The following SH3GLB2 variants were observed in gnomAD, a reference collection of about 807,000 sequenced individuals.
SH3GLB2 encodes the protein endophilin-B2.
SH3GLB2 carries 24 observed loss-of-function variants against 48.0 expected under a neutral mutation model. The ratio of observed to expected loss-of-function variants is 0.50; its 90% CI spans 0.36 to 0.70. The LOEUF is 0.70. Among genes scored for constraint, SH3GLB2 ranks in the 30% least tolerant of loss-of-function variants. The probability of loss-of-function intolerance (pLI) is 0.00; values close to 1 mark genes in which losing one functional copy is unlikely to be tolerated. For synonymous variants in SH3GLB2, 227 were observed against 207.6 expected (o/e 1.09, Z -0.80); for missense variants, 425 against 516.0 (o/e 0.82, Z 1.71).
In SH3GLB2 at chr9:129,012,296, C is replaced by T. The variant is rs1000673438; in HGVS notation, c.564G>A (p.Thr188=). ...GTCTAGTCTCCTGAAAGTCAGGCACCGTCTGGCGGGGAACAGAGTTCATGT... is the reference window on the plus strand; with the variant it reads ...GTCTAGTCTCCTGAAAGTCAGGCACTGTCTGGCGGGGAACAGAGTTCATGT... ...KAKAAEAKAT[T]VPDFQETRPR... Residue 188 remains threonine, a splice_region_variant and synonymous_variant, in exon 6 of 11, where the codon ACG becomes ACA. Transcript: ENST00000372564. 4 of 1,299,486 alleles carry T rather than the reference C, an allele frequency of 3.1e-6. No homozygotes were observed. The highest frequency in any genetic ancestry group is 2.9e-5 in the East Asian group (1 of 34,466). 80.5% of individuals were successfully genotyped at this position (1,299,486 alleles called of 1,614,324 possible). A position where few individuals can be genotyped will look rare whatever the true frequency, so the allele number is the denominator to read the frequency against.
chr9:129,027,690 G>C (rs1433043953), intron 1 of SH3GLB2, among the ~76,000 whole-genome samples: 1 of 152,238 alleles, frequency 6.6e-6, no homozygotes, highest in East Asian at 1.9e-4. Flanking sequence ...GCTCGGAGAA[G>C]GGGTTGTGGT....
At chr9:129,022,580 G>C (rs1843880024) in intron 1 of SH3GLB2, among the ~76,000 whole-genome samples, 157 bp from the exon 2 acceptor site, 2 of 152,176 alleles carry the variant, frequency 1.3e-5, no homozygotes, top group South Asian at 4.1e-4. Context: ...TGTGTGACCT[G>C]GCAGGGCCTC....
intron 10 of SH3GLB2, 67 bp downstream of exon 10, chr9:129,009,039 T>C: frequency 1.3e-6 from 2 of 1,593,706 alleles, no homozygotes; most frequent in Non-Finnish European, 8.5e-7. Context: ...CCCATGTGCC[T>C]GATCCCAGTG....
At position 129,010,654 on chromosome 9, in the gene SH3GLB2, C is replaced by G; in HGVS notation, c.648+16G>C. ...CCCCTTCTTCCTCGAGCCCAGCCCCCCAGGCCCCAACTTACCTTGTCCACT... is the reference window on the plus strand; with the variant it reads ...CCCCTTCTTCCTCGAGCCCAGCCCCGCAGGCCCCAACTTACCTTGTCCACT... On this transcript the variant is annotated intron_variant, in intron 7 of 10. Coordinates refer to ENST00000372564, the MANE Select transcript of SH3GLB2 (RefSeq NM_020145.4). 6.2e-7 allele frequency: 1 copy of G among 1,614,006 alleles called. No homozygotes were observed. The highest frequency in any genetic ancestry group is 1.1e-5 in the South Asian group (1 of 91,082).
At chr9:129,013,519 C>T (rs1256173137) in intron 5 of SH3GLB2, 2 of 180,992 alleles carry the variant, frequency 1.1e-5, no homozygotes, top group Non-Finnish European at 2.3e-5. Flanking sequence ...CAACTACACC[C>T]CTGCCTCTGA....
chr9:129,014,697 G>A lies in SH3GLB2; in HGVS notation c.468+74C>T. On this transcript the variant is annotated intron_variant, in intron 4 of 10. Coordinates refer to ENST00000372564, the MANE Select transcript of SH3GLB2 (RefSeq NM_020145.4). The surrounding 1 kb of genome is among the most constrained non-coding windows in gnomAD (Gnocchi z 4.1). ...GTTTTGTAGCCCCAGCACTGGAAGAGAGCCTGTACTCAAAGGCTCTGAGGA... is the reference window on the plus strand; with the variant it reads ...GTTTTGTAGCCCCAGCACTGGAAGAAAGCCTGTACTCAAAGGCTCTGAGGA... The A allele has an allele frequency of 1.9e-6, 3 of 1,565,480 alleles. No homozygotes were observed. Among genetic ancestry groups the A allele is most frequent in the African/African-American group, 1.4e-5 (1 of 73,330 alleles).
At chr9:129,028,037 TC>T in intron 1 of SH3GLB2, 54 bp downstream of exon 1, 4 of 1,471,384 alleles carry the variant, frequency 2.7e-6, no homozygotes, top group South Asian at 2.5e-5. Context: ...CGCAGGGTGC[TC>T]CCCGCCCGCC....
At chr9:129,016,341 T>TA (rs1843416097) in intron 3 of SH3GLB2, among the ~76,000 whole-genome samples, 4 of 111,124 alleles carry the variant, frequency 3.6e-5, no homozygotes, top group East Asian at 2.9e-4. Flanking sequence ...AAGACTGTCT[T>TA]TAAAAAAAAA....
At chr9:129,027,233 A>T (rs1038387259) in intron 1 of SH3GLB2, among the ~76,000 whole-genome samples, 2 of 152,172 alleles carry the variant, frequency 1.3e-5, no homozygotes, top group African/African-American at 4.8e-5. Context: ...CCACTTTGAC[A>T]CCAATAATGA....
chr9:129,017,901 CAAAA>C (rs900509486), intron 3 of SH3GLB2, among the ~76,000 whole-genome samples: 1 of 64,770 alleles, frequency 1.5e-5, no homozygotes, highest in African/African-American at 5.0e-5. Context: ...CCGTCTCAAA[CAAAA>C]AAAAAAAAAA....
intron 3 of SH3GLB2, among the ~76,000 whole-genome samples, chr9:129,018,399 G>A (rs142492090): frequency 0.033 from 4,629 of 141,240 alleles, 240 homozygotes; most frequent in African/African-American, 0.11. Context: ...AACATGGTGA[G>A]ACCCCGTCTC....
chr9:129,013,396 A>G, intron 5 of SH3GLB2: 1 of 279,440 alleles, frequency 3.6e-6, no homozygotes. Context: ...TGGCTGAGTT[A>G]CTCCAGAGAC....
intron 3 of SH3GLB2, among the ~76,000 whole-genome samples, chr9:129,019,175 T>C (rs1271472837): frequency 6.6e-6 from 1 of 151,766 alleles, no homozygotes; most frequent in African/African-American, 2.4e-5. Flanking sequence ...CACTTCAGCT[T>C]AGGAGTTTGA....
intron 3 of SH3GLB2, among the ~76,000 whole-genome samples, chr9:129,019,101 T>C (rs1843624991): frequency 6.6e-6 from 1 of 150,744 alleles, no homozygotes; most frequent in African/African-American, 2.5e-5. Context: ...TAAATTAGAC[T>C]GTGGGCCGGG....
At chr9:129,010,519 G>T in intron 7 of SH3GLB2, 151 bp downstream of exon 7, 1 of 864,164 alleles carries the variant, frequency 1.2e-6, no homozygotes, top group Admixed American at 2.3e-5. Flanking sequence ...TCCCCACAGA[G>T]GGGAAACTGA....
intron 7 of SH3GLB2, 56 bp downstream of exon 7, chr9:129,010,614 G>T: frequency 6.3e-7 from 1 of 1,595,874 alleles, no homozygotes; most frequent in Non-Finnish European, 8.6e-7. Flanking sequence ...CAGCAAGTGT[G>T]CCTGCACCCC....
At chr9:129,009,512 G>GC (rs1564574548) in intron 9 of SH3GLB2, 166 bp from the exon 10 acceptor site, 19 of 1,548,354 alleles carry the variant, frequency 1.2e-5, no homozygotes, top group Non-Finnish European at 1.7e-5. Context: ...GGGTGAGATG[G>GC]CCCCACCCCC....
chr9:129,014,724 G>A lies in SH3GLB2; in HGVS notation c.468+47C>T. On this transcript the variant is annotated intron_variant, in intron 4 of 10. Coordinates refer to ENST00000372564, the MANE Select transcript of SH3GLB2 (RefSeq NM_020145.4). The surrounding 1 kb of genome is among the most constrained non-coding windows in gnomAD (Gnocchi z 4.1). ...GCCTGTACTCAAAGGCTCTGAGGAG[G>A]GAACTGCCATGGTTACCAGGAAGCG... 1 of 1,591,630 alleles carries A rather than the reference G, an allele frequency of 6.3e-7. No homozygotes were observed.
Position 129,020,206 on chromosome 9 carries a change from CAAAAAAAA to C in SH3GLB2, c.334+877_334+884del, listed in dbSNP as rs60400704. On this transcript the variant is annotated intron_variant, in intron 3 of 10. Coordinates refer to ENST00000372564, the MANE Select transcript of SH3GLB2 (RefSeq NM_020145.4). ...GGACAACAGAGCAAAACTCCATCTC[CAAAAAAAA>C]AAAAAAAAAAAAAAAAAAGTCAGGT... is the stretch of plus-strand genomic sequence containing the variant. Among the ~76,000 whole-genome samples the C allele has an allele frequency of 2.0e-3, 46 of 22,994 alleles. No homozygotes were observed. The Admixed American group carries it at 0.023, about 12-fold the overall frequency. The allele number at this position is 22,994 out of a possible 152,430, so 15.1% of individuals were successfully genotyped here.
Sources: allele counts gnomAD v4.1 joint callset (sites outside exome capture counted in the v4.1 genomes callset), GRCh38; gene constraint gnomAD v4.1.1; non-coding constraint Gnocchi (gnomAD v3.1); transcripts MANE v1.5; gene names NCBI Gene and HGNC (gene_info 2026-07-23, HGNC 2026-07-21).